The following MYO1C variants were observed in gnomAD, a reference collection of about 807,000 sequenced individuals.
MYO1C encodes myosin IC, also known as unconventional myosin-Ic.
MYO1C carries 104 observed loss-of-function variants against 150.8 expected under a neutral mutation model. That is an observed-to-expected ratio of 0.69 (90% CI 0.59 to 0.81). MYO1C has a LOEUF of 0.81. Among genes scored for constraint, MYO1C ranks in the 30% least tolerant of loss-of-function variants. The pLI is 0.00. For synonymous variants in MYO1C, 663 were observed against 579.9 expected, an observed-to-expected ratio of 1.14 and a Z score of -2.06; for missense variants, 1,504 against 1,435.0, an observed-to-expected ratio of 1.05 and a Z score of -0.78.
chr17:1,472,303 T>C, intron 17 of MYO1C, 75 bp from the exon 18 acceptor site: 1 of 1,327,510 alleles, frequency 7.5e-7, no homozygotes, highest in Non-Finnish European at 1.1e-6. Context: ...AGTACCCCAC[T>C]CCCCTGGCTG....
rs974678043 is a variant in MYO1C at position 1,468,926 on chromosome 17, C to T, written c.2611-430G>A. 6 of 302,120 alleles carry T rather than the reference C, an allele frequency of 2.0e-5. 1 individual carries two copies. The highest frequency in any genetic ancestry group is 6.4e-5 in the South Asian group (2 of 31,098). The allele number at this position is 302,120 out of a possible 1,614,324, so 18.7% of individuals were successfully genotyped here. Reference sequence around the variant, plus strand: ...TGTAATCAGGGCAGATATCACCAATCGACCCGAGTGAAGACGCAGACTTTT... The same window carrying T: ...TGTAATCAGGGCAGATATCACCAATTGACCCGAGTGAAGACGCAGACTTTT... On this transcript the variant is annotated intron_variant, in intron 25 of 31. Transcript: ENST00000648651.
rs114214340 is a variant in MYO1C, at chr17:1,467,551, G to C, written c.2994C>G (p.His998Gln). The C allele has an allele frequency of 6.2e-7, 1 of 1,613,368 alleles. No homozygotes were observed. The highest frequency in any genetic ancestry group is 1.1e-5 in the South Asian group (1 of 91,040). Reference sequence around the variant, plus strand: ...CTGTCTTGGTCAGCGTCTCAATCACGTGGTCACTCTGCAGCACCACATCTC... The same window carrying C: ...CTGTCTTGGTCAGCGTCTCAATCACCTGGTCACTCTGCAGCACCACATCTC... ...QKGDVVLQSD[H>Q]VIETLTKTAL... The change falls in exon 30 of 32, where the codon CAC becomes CAG. Residue 998 changes from histidine to glutamine, a missense_variant. Physicochemically the swap from His to Gln is conservative, Grantham distance 24 (BLOSUM62 0). Coordinates refer to ENST00000648651, the MANE Select transcript of MYO1C (RefSeq NM_001080779.2).
Position 1,478,460 on chromosome 17 carries a change from C to T in MYO1C, c.1245G>A (p.Thr415=), listed in dbSNP as rs757721051. 1.5e-5 allele frequency: 25 copies of T among 1,614,068 alleles called. No individual in the cohort carries two copies. Among genetic ancestry groups the T allele is most frequent in the African/African-American group, 4.0e-5 (3 of 74,934 alleles). ...DVESPSWRST[T]VLGLLDIYGF... is the part of the protein sequence containing the mutation. ...CATAAATATCCAGGAGCCCGAGAAC[C>T]GTGGTGCTCCGCCAGCTGGGGCTCT... Residue 415 remains threonine (T), a synonymous_variant, in exon 11 of 32, where the codon ACG becomes ACA. Transcript: ENST00000648651. The surrounding 1 kb of genome is among the most constrained non-coding windows in gnomAD (Gnocchi z 6.3).
In MYO1C at chr17:1,465,391, T is replaced by A. The variant is rs878944818; in HGVS notation, c.*335A>T. ...TCCTTGGGTGGGAAATGGCTTTTTT[T>A]AAAAAATAGTTTCCTATAAAGCATC... On this transcript the variant is annotated 3_prime_UTR_variant, in exon 32 of 32. Coordinates refer to ENST00000648651, the MANE Select transcript of MYO1C (RefSeq NM_001080779.2). The A allele has an allele frequency of 3.8e-4, 88 of 231,738 alleles. No homozygotes were observed. The highest frequency in any genetic ancestry group is 2.8e-3 in the Admixed American group (48 of 17,388). The allele number at this position is 231,738 out of a possible 1,614,324, so 14.4% of individuals were successfully genotyped here.
At position 1,479,162 on chromosome 17, in the gene MYO1C, T is replaced by A. The variant is rs892743126; in HGVS notation, c.1092+269A>T. On this transcript the variant is annotated intron_variant, in intron 9 of 31. Coordinates refer to ENST00000648651, the MANE Select transcript of MYO1C (RefSeq NM_001080779.2). This position sits in a 1 kb window ranked among gnomAD's most constrained non-coding sequence, Gnocchi z 4.2. ...GGCGCCCGCCACCATGCCCGGCTAA[T>A]TTTTGTATTCTTAGTAGATGGGGTT... 2.0e-5 allele frequency among the ~76,000 whole-genome samples: 3 copies of A among 152,140 alleles called. No homozygotes were observed. The highest frequency in any genetic ancestry group is 2.0e-4 in the Admixed American group (3 of 15,270).
At chr17:1,481,189 T>G (rs1032141061) in intron 5 of MYO1C, 11 of 425,134 alleles carry the variant, frequency 2.6e-5, no homozygotes, top group African/African-American at 2.2e-4. Context: ...CTCCTGTTAG[T>G]GTCTGCCCTC....
intron 1 of MYO1C, among the ~76,000 whole-genome samples, chr17:1,488,242 C>T (rs529323188): frequency 7.2e-4 from 110 of 152,246 alleles, no homozygotes; most frequent in African/African-American, 2.6e-3. Context: ...CGGGCCGCGC[C>T]GCCGCATTCC....
At chr17:1,484,398 C>A (rs1429396826) in intron 1 of MYO1C, 95 bp from the exon 2 acceptor site, 1 of 1,448,532 alleles carries the variant, frequency 6.9e-7, no homozygotes, top group Non-Finnish European at 9.5e-7. Context: ...AACGTAGGGG[C>A]TTGTGGACTC....
In MYO1C at chr17:1,467,615, C is replaced by T. The variant is rs759391929; in HGVS notation, c.2968-38G>A. 18 of 1,599,656 alleles carry T rather than the reference C, an allele frequency of 1.1e-5. No individual in the cohort carries two copies. In the Admixed American group the frequency reaches 2.3e-4, roughly 21 times the overall value. The stretch of plus-strand genomic sequence containing the variant: ...GCAGGAGGAGGGGTCAGGCCCTGCC[C>T]AGAACTTGAGGAACCCCCGCCCCAC... On this transcript the variant is annotated intron_variant, in intron 29 of 31. Transcript: ENST00000648651.
In MYO1C at chr17:1,478,526, C is replaced by G; in HGVS notation, c.1213-34G>C. ...GTCATTCAACCGAAGGCGTGGGCCC[C>G]CTGCGCGTGCCAGCCCCACCCTGCA... On this transcript the variant is annotated intron_variant, in intron 10 of 31. Coordinates refer to ENST00000648651, the MANE Select transcript of MYO1C (RefSeq NM_001080779.2). This position sits in a 1 kb window ranked among gnomAD's most constrained non-coding sequence, Gnocchi z 6.3. 1 of 1,613,826 alleles carries G rather than the reference C, an allele frequency of 6.2e-7. No individual in the cohort carries two copies. Among genetic ancestry groups the G allele is most frequent in the South Asian group, 1.1e-5 (1 of 91,082 alleles).
chr17:1,467,598 AG>A (rs2074201774), intron 29 of MYO1C, 21 bp from the exon 30 acceptor site: 3 of 1,608,930 alleles, frequency 1.9e-6, no homozygotes, highest in African/African-American at 1.3e-5. Context: ...AGGCAGGAGG[AG>A]GGGTCAGGCC....
intron 21 of MYO1C, 166 bp from the exon 22 acceptor site, chr17:1,470,855 G>C (rs1465052693): frequency 3.2e-6 from 3 of 940,198 alleles, no homozygotes; most frequent in African/African-American, 1.6e-5. Flanking sequence ...CCGGAAAAGG[G>C]GGGCGGCGGG....
chr17:1,485,474 C>A (rs1229463450), intron 1 of MYO1C: 1 of 655,002 alleles, frequency 1.5e-6, no homozygotes, highest in Non-Finnish European at 2.0e-6. Context: ...CAGGGGTCTC[C>A]GCGTTCTCAG....
Position 1,465,634 on chromosome 17 carries a change from C to T in MYO1C, c.*92G>A. 1 of 1,253,448 alleles carries T rather than the reference C, an allele frequency of 8.0e-7. No homozygotes were observed. Among genetic ancestry groups the T allele is most frequent in the South Asian group, 2.8e-5 (1 of 35,994 alleles). The allele number at this position is 1,253,448 out of a possible 1,614,324, so 77.6% of individuals were successfully genotyped here. On this transcript the variant is annotated 3_prime_UTR_variant, in exon 32 of 32. Coordinates refer to ENST00000648651, the MANE Select transcript of MYO1C (RefSeq NM_001080779.2). ...GTGGGCTTCGGGGTGTCCCTGGGTC[C>T]CTGTCTGGAAGTTCGAGTCTTTGGT...
rs184049835 is a variant in MYO1C at position 1,471,623 on chromosome 17, C to T, written c.2021+284G>A. ...CCTTTCGGAGCCCCTTGGAAGCTGC[C>T]CTACAAGGCTTGCTGTCTGCCTCTG... On this transcript the variant is annotated intron_variant, in intron 19 of 31. Transcript: ENST00000648651. Among the ~76,000 whole-genome samples the T allele has an allele frequency of 1.9e-3, 297 of 152,316 alleles. 4 individuals are homozygous for T. Among genetic ancestry groups the T allele is most frequent in the African/African-American group, 6.8e-3 (281 of 41,564 alleles).
At chr17:1,469,157 G>C in intron 25 of MYO1C, 1 of 358,922 alleles carries the variant, frequency 2.8e-6, no homozygotes, top group Non-Finnish European at 5.4e-6. Flanking sequence ...GAGCAGACCG[G>C]GGTAAACAGA....
chr17:1,467,307 T>G lies in MYO1C; in HGVS notation c.3100A>C (p.Thr1034Pro). The G allele has an allele frequency of 6.2e-7, 1 of 1,613,498 alleles. No individual in the cohort carries two copies. Among genetic ancestry groups the G allele is most frequent in the Non-Finnish European group, 8.5e-7 (1 of 1,179,850 alleles). Reference sequence around the variant, plus strand: ...TCCGAGCCGGGTGTGAAGTCAATGGTGCCATCCCTGCCGGGGCCCCCTGCA... The same window carrying G: ...TCCGAGCCGGGTGTGAAGTCAATGGGGCCATCCCTGCCGGGGCCCCCTGCA... ...TFAGGPGRDG[T>P]IDFTPGSELL... Residue 1034 changes from threonine (T) to proline (P), a missense_variant, in exon 31 of 32, where the codon ACC (threonine) becomes CCC (proline). Thr to Pro is a conservative substitution (Grantham distance 38). Transcript: ENST00000648651.
rs891129765 is a variant in MYO1C, at chr17:1,491,447, A to ACCC, written c.75+963_75+965dup. On this transcript the variant is annotated intron_variant, in intron 1 of 31. Transcript: ENST00000648651. ...TGCGCCGGCGCCTCCGGGTCGTGGG[A>ACCC]CCCCCCCCCCCCGCACGGGTCCACG... Among the ~76,000 whole-genome samples the ACCC allele has an allele frequency of 2.0e-3, 108 of 53,996 alleles. 4 individuals are homozygous for ACCC. Among genetic ancestry groups the ACCC allele is most frequent in the South Asian group, 5.1e-3 (7 of 1,386 alleles). The allele number at this position is 53,996 out of a possible 152,430, so 35.4% of individuals were successfully genotyped here.
intron 21 of MYO1C, 82 bp downstream of exon 21, chr17:1,470,989 C>T: frequency 6.9e-7 from 1 of 1,457,018 alleles, no homozygotes; most frequent in Non-Finnish European, 9.6e-7. Flanking sequence ...GGTGGACTCC[C>T]TGGAGAAGGA....
Sources: gnomAD v4.1 joint callset for allele counts (sites outside exome capture counted in the v4.1 genomes callset) on GRCh38, gnomAD v4.1.1 for gene constraint, Gnocchi (gnomAD v3.1) non-coding constraint, MANE v1.5 for transcripts, NCBI Gene and HGNC (gene_info 2026-07-23, HGNC 2026-07-21) for gene names.